The following SLC8A1 variants were observed in gnomAD, a reference collection of about 807,000 sequenced individuals.
The protein encoded by SLC8A1 is sodium/calcium exchanger 1.
In SLC8A1, 18 loss-of-function variants were observed where a neutral mutation model predicts 68.3. That is an observed-to-expected ratio of 0.26 (90% CI 0.18 to 0.39). The LOEUF (loss-of-function observed/expected upper bound fraction) is 0.39. Among genes scored for constraint, SLC8A1 ranks in the 10% least tolerant of loss-of-function variants. The pLI, the probability that SLC8A1 is intolerant of heterozygous loss-of-function variation, is 1.00. For missense variants in SLC8A1, 985 were observed against 1,156.7 expected, an observed-to-expected ratio of 0.85 and a Z score of 2.15; for synonymous variants, 475 against 415.5, an observed-to-expected ratio of 1.14 and a Z score of -1.74.
At chr2:40,341,186 C>A (rs1033287132) in intron 2 of SLC8A1, among the ~76,000 whole-genome samples, 2 of 152,000 alleles carry the variant, frequency 1.3e-5, no homozygotes, top group African/African-American at 4.8e-5. Flanking sequence ...TTTTTACATA[C>A]GGGAGTGTGA....
rs368483768 is a variant in SLC8A1 at position 40,396,748 on chromosome 2, T to TAAAAAAAAAAA, written c.1808+31714_1808+31724dup. Among the ~76,000 whole-genome samples, 52 of 87,054 alleles carry TAAAAAAAAAAA rather than the reference T, an allele frequency of 6.0e-4. 2 individuals are homozygous for TAAAAAAAAAAA. Among genetic ancestry groups the TAAAAAAAAAAA allele is most frequent in the African/African-American group, 1.5e-3 (24 of 16,130 alleles). The allele number at this position is 87,054 out of a possible 152,430, so 57.1% of individuals were successfully genotyped here. ...TTTAACCTCCATCATCTCTAATAACTAAAAAAAAAAAAAAAAAAAAAAAAA... is the reference window on the plus strand; with the variant it reads ...TTTAACCTCCATCATCTCTAATAACTAAAAAAAAAAAAAAAAAAAAAAAAAAAAAAAAAAAA... On this transcript the variant is annotated intron_variant, in intron 2 of 7. Transcript: ENST00000406785.
intron 2 of SLC8A1, among the ~76,000 whole-genome samples, chr2:40,184,549 C>G (rs939873066): frequency 3.9e-5 from 6 of 152,136 alleles, no homozygotes; most frequent in Non-Finnish European, 5.9e-5. Context: ...ATTTCCTTCT[C>G]AAGAAAGTGA....
intron 2 of SLC8A1, among the ~76,000 whole-genome samples, chr2:40,347,813 A>G (rs915632184): frequency 2.6e-5 from 4 of 152,334 alleles, no homozygotes; most frequent in South Asian, 4.1e-4. Flanking sequence ...TTAAAGCAAG[A>G]TTTCTCTAAT....
intron 1 of SLC8A1, among the ~76,000 whole-genome samples, chr2:40,449,737 C>G (rs1327743317): frequency 6.6e-6 from 1 of 152,170 alleles, no homozygotes; most frequent in African/African-American, 2.4e-5. Flanking sequence ...GTTCATTACT[C>G]TCCTCCTTCA....
At chr2:40,170,208 A>T (rs1415837923) in intron 4 of SLC8A1, 73 bp downstream of exon 7, 2 of 1,326,858 alleles carry the variant, frequency 1.5e-6, no homozygotes, top group Non-Finnish European at 2.2e-6. Flanking sequence ...GCTAAAATGC[A>T]TGACTGTAAT....
At position 40,201,848 on chromosome 2, in the gene SLC8A1, G is replaced by A. The variant is rs532490125; in HGVS notation, c.1809-23993C>T. ...GCAGCAATGATAAGGGGGTCAGGAG[G>A]TCATAACACAAACTATTGGAGGAGT... On this transcript the variant is annotated intron_variant, in intron 2 of 7. Coordinates refer to ENST00000406785, the Ensembl canonical transcript of SLC8A1. Among the ~76,000 whole-genome samples, 62 of 152,080 alleles carry A rather than the reference G, an allele frequency of 4.1e-4. 1 individual carries two copies. The highest frequency in any genetic ancestry group is 1.3e-3 in the African/African-American group (56 of 41,526).
intron 2 of SLC8A1, among the ~76,000 whole-genome samples, chr2:40,300,112 C>A (rs1266614114): frequency 6.6e-6 from 1 of 152,158 alleles, no homozygotes; most frequent in Non-Finnish European, 1.5e-5. Context: ...AGTCTGCCAA[C>A]CCAGCCCTGA....
At chr2:40,298,609 A>C (rs2070855922) in intron 2 of SLC8A1, among the ~76,000 whole-genome samples, 1 of 152,198 alleles carries the variant, frequency 6.6e-6, no homozygotes. Context: ...GTTCCAGATA[A>C]ATCCTACCAT....
intron 1 of SLC8A1, among the ~76,000 whole-genome samples, chr2:40,496,103 A>G (rs1427081773): frequency 6.6e-6 from 1 of 152,102 alleles, no homozygotes; most frequent in Non-Finnish European, 1.5e-5. Flanking sequence ...CACTGTCAGG[A>G]AACATTTTGA....
rs183473130 is a variant in SLC8A1 at position 40,368,440 on chromosome 2, A to G, written c.1808+60033T>C. 3.9e-5 allele frequency among the ~76,000 whole-genome samples: 6 copies of G among 152,134 alleles called. No individual in the cohort carries two copies. The East Asian group carries it at 1.2e-3, about 29-fold the overall frequency. On this transcript the variant is annotated intron_variant, in intron 2 of 7. Coordinates refer to ENST00000406785, the Ensembl canonical transcript of SLC8A1. ...TTTCTTCTGAACCCCTAAGTCTTTC[A>G]GTTATCTGTTTAATGTTTTGTATGT...
intron 2 of SLC8A1, among the ~76,000 whole-genome samples, chr2:40,327,055 AAAAAG>A (rs1274016401): frequency 6.6e-6 from 1 of 152,228 alleles, no homozygotes; most frequent in African/African-American, 2.4e-5. Flanking sequence ...TACCTATTTT[AAAAAG>A]AAAAGAAACT....
chr2:40,378,389 A>C (rs544451888), intron 2 of SLC8A1, among the ~76,000 whole-genome samples: 2 of 152,146 alleles, frequency 1.3e-5, no homozygotes, highest in Non-Finnish European at 2.9e-5. Context: ...ATGTGTGAGT[A>C]GAAACCTTGG....
chr2:40,295,898 G>C (rs916505924), intron 2 of SLC8A1, among the ~76,000 whole-genome samples: 6 of 152,136 alleles, frequency 3.9e-5, no homozygotes, highest in African/African-American at 1.2e-4. Context: ...TTCTGAAAGA[G>C]CTTGCCTTTG....
chr2:40,286,328 C>A (rs1264206869), intron 2 of SLC8A1, among the ~76,000 whole-genome samples: 1 of 152,194 alleles, frequency 6.6e-6, no homozygotes, highest in Non-Finnish European at 1.5e-5. Context: ...GTCATCTATA[C>A]AACAAATCAG....
At chr2:40,133,609 C>G (rs75654642) in intron 7 of SLC8A1, among the ~76,000 whole-genome samples, 1 of 151,964 alleles carries the variant, frequency 6.6e-6, no homozygotes, top group African/African-American at 2.4e-5. Context: ...CAGCTGGTAG[C>G]AGGAACTAGT....
chr2:40,319,648 C>T (rs2074947000), intron 2 of SLC8A1, among the ~76,000 whole-genome samples: 1 of 152,120 alleles, frequency 6.6e-6, no homozygotes, highest in South Asian at 2.1e-4. Context: ...TCACAAAGCT[C>T]CTCCTTATGT....
chr2:40,127,241 C>A (rs1334327311), intron 7 of SLC8A1, among the ~76,000 whole-genome samples: 2 of 152,148 alleles, frequency 1.3e-5, no homozygotes, highest in African/African-American at 2.4e-5. Context: ...AGAGCTTAAT[C>A]TTTACTCTCA....
chr2:40,478,801 C>T lies in SLC8A1; in HGVS notation c.-25+33548G>A, dbSNP rs561950260. Among the ~76,000 whole-genome samples, 185 of 148,190 alleles carry T rather than the reference C, an allele frequency of 1.2e-3. 1 individual carries two copies. Among genetic ancestry groups the T allele is most frequent in the Middle Eastern group, 3.5e-3 (1 of 284 alleles). ...TTTTTTTTTTTTTTAGACAGAGTTT[C>T]GCTCTTGTTGCCCAGGCTGGAGTGC... is the stretch of plus-strand genomic sequence containing the variant. On this transcript the variant is annotated intron_variant, in intron 1 of 7. Transcript: ENST00000402441.
intron 2 of SLC8A1, among the ~76,000 whole-genome samples, chr2:40,272,341 A>T (rs933645636): frequency 6.6e-6 from 1 of 152,144 alleles, no homozygotes; most frequent in Non-Finnish European, 1.5e-5. Context: ...CCTGATGGCC[A>T]TTATGTGAAG....
Sources: gnomAD v4.1 joint callset for allele counts (sites outside exome capture counted in the v4.1 genomes callset) on GRCh38, gnomAD v4.1.1 for gene constraint, MANE v1.5 for transcripts, NCBI Gene and HGNC (gene_info 2026-07-23, HGNC 2026-07-21) for gene names.